TMEM178A: variants seen among roughly 807,000 people sequenced by gnomAD.
TMEM178A encodes the protein transmembrane protein 178.
In TMEM178A, 12 loss-of-function variants were observed where a neutral mutation model predicts 29.1. That is an observed-to-expected ratio of 0.41 (90% CI 0.26 to 0.67). TMEM178A has a LOEUF of 0.67. Ranked by LOEUF, TMEM178A falls within the 30% of genes least tolerant of loss-of-function variation. TMEM178A has a pLI of 0.29. For synonymous variants in TMEM178A, 210 were observed against 187.2 expected, an observed-to-expected ratio of 1.12 and a Z score of -0.99; for missense variants, 366 against 419.1, an observed-to-expected ratio of 0.87 and a Z score of 1.11.
the TMEM178A span, among the ~76,000 whole-genome samples, chr2:39,726,819 A>G: frequency 1.3e-5 from 2 of 151,710 alleles, no homozygotes; most frequent in African/African-American, 4.8e-5. Flanking sequence ...TGGGTAAGGA[A>G]GGGCCCTGGA....
At chr2:39,688,801 G>A (rs1392082120) in intron 1 of TMEM178A, among the ~76,000 whole-genome samples, 7 of 152,110 alleles carry the variant, frequency 4.6e-5, no homozygotes, top group Admixed American at 2.6e-4. Flanking sequence ...GTCAGTTAAC[G>A]AGCCAGCTAT....
At chr2:39,720,830 A>G (rs1234750604), downstream of TMEM178A, among the ~76,000 whole-genome samples, 3 of 152,218 alleles carry the variant, frequency 2.0e-5, no homozygotes, top group African/African-American at 7.2e-5. Flanking sequence ...ATGAGGCTAA[A>G]TGGAAAGAGA....
At chr2:39,728,586 T>C in the TMEM178A span, among the ~76,000 whole-genome samples, 1 of 152,238 alleles carries the variant, frequency 6.6e-6, no homozygotes. Flanking sequence ...ACTTTATAGT[T>C]GTATGCATTT....
chr2:39,707,506 C>T (rs1441427863), intron 3 of TMEM178A, among the ~76,000 whole-genome samples: 3 of 152,162 alleles, frequency 2.0e-5, no homozygotes, highest in Admixed American at 1.3e-4. Flanking sequence ...GAGTCTCACT[C>T]TGTCACCCAG....
Position 39,666,158 on chromosome 2 carries a change from C to A in TMEM178A, c.184C>A (p.Leu62Met). ...GGACCAGAAGAACCGCCTGATGCCGCTGTCGCACCTGCCGCTGCGGGACTC... is the reference window on the plus strand; with the variant it reads ...GGACCAGAAGAACCGCCTGATGCCGATGTCGCACCTGCCGCTGCGGGACTC... ...PPDQKNRLMP[L>M]SHLPLRDSPP... Residue 62 changes from leucine (L) to methionine (M), a missense_variant, in exon 1 of 4, where the codon CTG (leucine) becomes ATG (methionine). By Grantham distance (15) the Leu-to-Met change is conservative. Transcript: ENST00000281961. 6.7e-7 allele frequency: 1 copy of A among 1,497,262 alleles called. No individual in the cohort carries two copies. The highest frequency in any genetic ancestry group is 8.9e-7 in the Non-Finnish European group (1 of 1,129,254). The allele number at this position is 1,497,262 out of a possible 1,614,324, so 92.7% of individuals were successfully genotyped here.
intron 1 of TMEM178A, among the ~76,000 whole-genome samples, chr2:39,700,979 T>C (rs1671755111): frequency 6.6e-6 from 1 of 152,100 alleles, no homozygotes; most frequent in Non-Finnish European, 1.5e-5. Flanking sequence ...TCCTCCTCCA[T>C]ACTATTATTG....
At chr2:39,675,958 A>C (rs1453682106) in intron 1 of TMEM178A, among the ~76,000 whole-genome samples, 1 of 151,156 alleles carries the variant, frequency 6.6e-6, no homozygotes, top group Non-Finnish European at 1.5e-5. Flanking sequence ...TTTCTTTTTA[A>C]ATTTTTTTGT....
At chr2:39,694,894 G>C (rs1671471726) in intron 1 of TMEM178A, among the ~76,000 whole-genome samples, 1 of 152,170 alleles carries the variant, frequency 6.6e-6, no homozygotes, top group Non-Finnish European at 1.5e-5. Flanking sequence ...CAGTTCTGTA[G>C]ACCTGATGAA....
chr2:39,700,511 T>A (rs1050619056), intron 1 of TMEM178A, among the ~76,000 whole-genome samples: 1 of 152,106 alleles, frequency 6.6e-6, no homozygotes. Flanking sequence ...GTTATGGTTT[T>A]CATGGTATAT....
intron 1 of TMEM178A, among the ~76,000 whole-genome samples, chr2:39,695,365 G>C (rs1375195100): frequency 1.3e-5 from 2 of 150,758 alleles, no homozygotes; most frequent in Non-Finnish European, 2.9e-5. Flanking sequence ...CCAGAAAAAA[G>C]TCACAGCCTC....
chr2:39,717,348 C>T lies in TMEM178A; in HGVS notation c.*97C>T. 3 of 1,478,108 alleles carry T rather than the reference C, an allele frequency of 2.0e-6. No homozygotes were observed. Among genetic ancestry groups the T allele is most frequent in the Non-Finnish European group, 2.7e-6 (3 of 1,108,122 alleles). 91.6% of individuals were successfully genotyped at this position (1,478,108 alleles called of 1,614,324 possible). On this transcript the variant is annotated 3_prime_UTR_variant, in exon 4 of 4. Transcript: ENST00000281961. ...CACAAAGCGGTCTTTTACATTCCAACCTGTTGCCTGCCAGCCCTTTCTGGA... is the reference window on the plus strand; with the variant it reads ...CACAAAGCGGTCTTTTACATTCCAATCTGTTGCCTGCCAGCCCTTTCTGGA...
At chr2:39,715,104 C>T (rs961429718) in intron 3 of TMEM178A, among the ~76,000 whole-genome samples, 1 of 152,166 alleles carries the variant, frequency 6.6e-6, no homozygotes, top group African/African-American at 2.4e-5. Flanking sequence ...TTATTTCTCA[C>T]ATCCCAACCC....
the TMEM178A span, among the ~76,000 whole-genome samples, chr2:39,726,652 G>GCAAA: frequency 6.6e-6 from 1 of 152,190 alleles, no homozygotes; most frequent in Non-Finnish European, 1.5e-5. Flanking sequence ...CCAGTACTGG[G>GCAAA]CGTTTAGGTC....
intron 1 of TMEM178A, among the ~76,000 whole-genome samples, chr2:39,674,447 C>G (rs886320825): frequency 6.6e-6 from 1 of 152,118 alleles, no homozygotes; most frequent in Non-Finnish European, 1.5e-5. Flanking sequence ...TCTCACTGAT[C>G]ATTGGGAGCT....
chr2:39,701,428 T>G (rs924097195), intron 1 of TMEM178A, among the ~76,000 whole-genome samples: 1 of 151,806 alleles, frequency 6.6e-6, no homozygotes, highest in African/African-American at 2.4e-5. Context: ...TCTTTCAAAG[T>G]TTTTTTTGTG....
chr2:39,714,363 A>C (rs1672442145), intron 3 of TMEM178A, among the ~76,000 whole-genome samples: 2 of 152,170 alleles, frequency 1.3e-5, no homozygotes, highest in Admixed American at 1.3e-4. Context: ...CCAAAAAAAA[A>C]ACTTAACTGG....
downstream of TMEM178A, among the ~76,000 whole-genome samples, chr2:39,722,945 C>T (rs1672731948): frequency 6.6e-6 from 1 of 152,142 alleles, no homozygotes; most frequent in Non-Finnish European, 1.5e-5. Flanking sequence ...CAATATCTGG[C>T]TAACTGTGAA....
At chr2:39,666,732 C>T (rs1670181369) in intron 1 of TMEM178A, among the ~76,000 whole-genome samples, 1 of 152,216 alleles carries the variant, frequency 6.6e-6, no homozygotes, top group African/African-American at 2.4e-5. Context: ...TGTGTCTTTT[C>T]TTGACGCTGC....
the TMEM178A span, among the ~76,000 whole-genome samples, chr2:39,725,953 ATTT>A: frequency 1.1e-4 from 16 of 152,150 alleles, no homozygotes; most frequent in African/African-American, 2.4e-5. Context: ...GTGTTCTTTG[ATTT>A]GTCACATCTC....
Sources: allele counts gnomAD v4.1 joint callset (sites outside exome capture counted in the v4.1 genomes callset), GRCh38; gene constraint gnomAD v4.1.1; transcripts MANE v1.5; gene names NCBI Gene and HGNC (gene_info 2026-07-23, HGNC 2026-07-21).